FOXN3: variants seen among roughly 807,000 people sequenced by gnomAD.
The protein encoded by FOXN3 is forkhead box protein N3.
In FOXN3, 7 loss-of-function variants were observed where a neutral mutation model predicts 38.4. The ratio of observed to expected loss-of-function variants is 0.18; its 90% CI spans 0.10 to 0.34. The LOEUF is 0.34. Among genes scored for constraint, FOXN3 ranks in the 10% least tolerant of loss-of-function variants. The pLI is 1.00. For missense variants in FOXN3, 456 were observed against 613.4 expected (o/e 0.74, Z 2.71); for synonymous variants, 230 against 242.2 (o/e 0.95, Z 0.47).
chr14:89,410,609 A>T (rs1891517816), intron 2 of FOXN3, among the ~76,000 whole-genome samples: 1 of 152,210 alleles, frequency 6.6e-6, no homozygotes, highest in African/African-American at 2.4e-5. Flanking sequence ...GTGGTGGCTC[A>T]TGCCTGTAAT....
intron 1 of FOXN3, among the ~76,000 whole-genome samples, chr14:89,442,729 A>AC (rs1892412488): frequency 6.6e-6 from 1 of 151,710 alleles, no homozygotes; most frequent in Non-Finnish European, 1.5e-5. Flanking sequence ...TCCCAGTTTT[A>AC]CCCCAACCAG....
intron 1 of FOXN3, among the ~76,000 whole-genome samples, chr14:89,545,401 C>T (rs1342312960): frequency 2.0e-5 from 3 of 152,204 alleles, no homozygotes; most frequent in Admixed American, 6.5e-5. Flanking sequence ...CTAAGAGTGT[C>T]GGGTGAAACC....
At chr14:89,242,974 T>G (rs1031381229) in intron 4 of FOXN3, among the ~76,000 whole-genome samples, 1 of 152,218 alleles carries the variant, frequency 6.6e-6, no homozygotes, top group African/African-American at 2.4e-5. Flanking sequence ...AAGGTGTAAT[T>G]TACACATTCT....
At chr14:89,374,377 T>C (rs866815973) in intron 2 of FOXN3, among the ~76,000 whole-genome samples, 2 of 151,104 alleles carry the variant, frequency 1.3e-5, no homozygotes, top group Admixed American at 6.6e-5. Flanking sequence ...CAATTTCTTA[T>C]AAAGTTATAC....
chr14:89,264,044 G>GT lies in FOXN3; in HGVS notation c.745+16905dup, dbSNP rs1280656937. ...TTGCATTCCAGCCTGGGCAACAAGA[G>GT]TAAGACTCCATCTCAAAAAAAAAGA... On this transcript the variant is annotated intron_variant, in intron 4 of 5. Transcript: ENST00000557258. The GT allele has an allele frequency of 6.6e-5, 10 of 151,178 alleles. No homozygotes were observed. The Admixed American group carries it at 6.6e-4, about 10-fold the overall frequency. The allele number at this position is 151,178 out of a possible 1,614,324, so 9.4% of individuals were successfully genotyped here. A position where few individuals can be genotyped will look rare whatever the true frequency, so the allele number is the denominator to read the frequency against.
intron 3 of FOXN3, among the ~76,000 whole-genome samples, chr14:89,281,597 T>C (rs548561875): frequency 3.2e-4 from 49 of 152,306 alleles, no homozygotes; most frequent in African/African-American, 1.1e-3. Context: ...TTTGCAGATA[T>C]GTTACCACCC....
chr14:89,381,303 G>A (rs1475925821), intron 2 of FOXN3, among the ~76,000 whole-genome samples: 2 of 151,922 alleles, frequency 1.3e-5, no homozygotes, highest in African/African-American at 4.8e-5. Flanking sequence ...TGTACTCCCA[G>A]GATTCCTTGG....
chr14:89,194,554 C>G (rs1888046954), intron 4 of FOXN3, among the ~76,000 whole-genome samples: 1 of 152,108 alleles, frequency 6.6e-6, no homozygotes. Flanking sequence ...TTCTCCTTGT[C>G]ACACCCTGAC....
chr14:89,444,091 C>T (rs1278089136), intron 1 of FOXN3, among the ~76,000 whole-genome samples: 1 of 148,760 alleles, frequency 6.7e-6, no homozygotes, highest in Non-Finnish European at 1.5e-5. Context: ...TGTATTTTAT[C>T]CTAGACAATG....
intron 3 of FOXN3, among the ~76,000 whole-genome samples, chr14:89,285,122 C>T (rs557392533): frequency 3.9e-5 from 6 of 152,310 alleles, no homozygotes; most frequent in Non-Finnish European, 8.8e-5. Context: ...AAGACACACA[C>T]CTGTATTCAC....
chr14:89,398,855 CAT>C (rs1891169398), intron 2 of FOXN3, among the ~76,000 whole-genome samples: 1 of 152,152 alleles, frequency 6.6e-6, no homozygotes, highest in Non-Finnish European at 1.5e-5. Context: ...CATGGTGGCA[CAT>C]GCCTGTAATC....
chr14:89,208,233 C>T lies in FOXN3; in HGVS notation c.746-27427G>A, dbSNP rs546013183. Among the ~76,000 whole-genome samples the T allele has an allele frequency of 2.0e-5, 3 of 152,300 alleles. 1 individual carries two copies. The East Asian group carries it at 5.8e-4, about 29-fold the overall frequency. ...AAGTACAAAAAAAGGCGGGTACGGGCCCTACCCATTGGCGTGACAATGATG... is the reference window on the plus strand; with the variant it reads ...AAGTACAAAAAAAGGCGGGTACGGGTCCTACCCATTGGCGTGACAATGATG... On this transcript the variant is annotated intron_variant, in intron 4 of 5. Transcript: ENST00000557258.
chr14:89,249,925 A>G (rs1201368945), intron 4 of FOXN3, among the ~76,000 whole-genome samples: 1 of 152,188 alleles, frequency 6.6e-6, no homozygotes, highest in Non-Finnish European at 1.5e-5. Flanking sequence ...AATGGCCATC[A>G]ATAAAACTTT....
At chr14:89,605,650 C>T (rs956490850) in intron 1 of FOXN3, among the ~76,000 whole-genome samples, 18 of 152,020 alleles carry the variant, frequency 1.2e-4, no homozygotes, top group African/African-American at 4.3e-4. Context: ...TATAAAAATG[C>T]AGCTTAAATA....
chr14:89,285,523 CAA>C (rs57236792), intron 3 of FOXN3, among the ~76,000 whole-genome samples: 74 of 132,440 alleles, frequency 5.6e-4, no homozygotes, highest in Admixed American at 5.9e-4. Context: ...CGTCTCAAAA[CAA>C]AAAAAAAAAA....
intron 1 of FOXN3, among the ~76,000 whole-genome samples, chr14:89,505,620 C>A (rs964661880): frequency 1.3e-5 from 2 of 151,958 alleles, no homozygotes; most frequent in Non-Finnish European, 2.9e-5. Context: ...GATCTCGGCT[C>A]GCTACAACCT....
chr14:89,308,519 T>C (rs1010681597), intron 3 of FOXN3, among the ~76,000 whole-genome samples: 2 of 152,218 alleles, frequency 1.3e-5, no homozygotes, highest in African/African-American at 4.8e-5. Flanking sequence ...TGAATGAAGA[T>C]ACCTGGTGAA....
At chr14:89,432,614 A>AC (rs1166282382) in intron 1 of FOXN3, among the ~76,000 whole-genome samples, 10 of 151,676 alleles carry the variant, frequency 6.6e-5, no homozygotes, top group African/African-American at 1.9e-4. Context: ...AAACTTAAAG[A>AC]TCCCCATGTC....
intron 1 of FOXN3, among the ~76,000 whole-genome samples, chr14:89,478,248 T>C (rs1193368749): frequency 6.6e-6 from 1 of 152,182 alleles, no homozygotes; most frequent in Non-Finnish European, 1.5e-5. Context: ...ATTGGAAGCT[T>C]CCTGAGGCCT....
Sources: allele counts gnomAD v4.1 joint callset (sites outside exome capture counted in the v4.1 genomes callset), GRCh38; gene constraint gnomAD v4.1.1; transcripts MANE v1.5; gene names NCBI Gene and HGNC (gene_info 2026-07-23, HGNC 2026-07-21).